APIP: variants seen among roughly 807,000 people sequenced by gnomAD.
APIP encodes APAF1 interacting protein.
A neutral mutation model predicts 32.0 loss-of-function variants in APIP; 32 were observed. The observed-to-expected ratio is 1.00, with a 90% CI of 0.76 to 1.34. APIP has a LOEUF of 1.34. APIP is among the 40% of genes most tolerant of loss of function. The pLI is 0.00. For synonymous variants in APIP, 92 were observed against 94.8 expected (o/e 0.97, Z 0.17); for missense variants, 247 against 298.6 (o/e 0.83, Z 1.27).
intron 3 of APIP, among the ~76,000 whole-genome samples, chr11:34,889,617 C>T (rs575269894): frequency 6.6e-6 from 1 of 152,082 alleles, no homozygotes; most frequent in East Asian, 1.9e-4. Flanking sequence ...AGCAGTTTTT[C>T]CATCCTCACT....
intron 5 of APIP, among the ~76,000 whole-genome samples, chr11:34,887,248 T>C (rs1853092486): frequency 6.6e-6 from 1 of 152,172 alleles, no homozygotes; most frequent in South Asian, 2.1e-4. Flanking sequence ...CCAAACTCTT[T>C]TCAGAAAAAC....
At chr11:34,885,159 G>T (rs1222695189) in intron 5 of APIP, among the ~76,000 whole-genome samples, 3 of 145,648 alleles carry the variant, frequency 2.1e-5, no homozygotes, top group African/African-American at 5.0e-5. Context: ...TATATGTATA[G>T]GTATACATGT....
chr11:34,899,943 G>A (rs556960116), intron 1 of APIP, among the ~76,000 whole-genome samples: 2 of 152,324 alleles, frequency 1.3e-5, no homozygotes, highest in African/African-American at 4.8e-5. Flanking sequence ...TTTAGCATGT[G>A]GTCCCCTGGA....
chr11:34,890,665 G>C (rs1201412263), intron 2 of APIP, 113 bp from the exon 3 acceptor site: 1 of 1,107,806 alleles, frequency 9.0e-7, no homozygotes, highest in Non-Finnish European at 1.3e-6. Flanking sequence ...ACAGCCAGTT[G>C]CTTGATTTAA....
At chr11:34,891,189 C>T (rs1853180537) in intron 2 of APIP, among the ~76,000 whole-genome samples, 1 of 152,124 alleles carries the variant, frequency 6.6e-6, no homozygotes, top group Admixed American at 6.6e-5. Flanking sequence ...AGAATGGCTA[C>T]ATGTGAAGAT....
chr11:34,903,716 C>T (rs760085400), intron 1 of APIP, among the ~76,000 whole-genome samples: 34 of 152,178 alleles, frequency 2.2e-4, no homozygotes, highest in Non-Finnish European at 4.6e-4. Flanking sequence ...ACACTTCACA[C>T]CCCTCTAATC....
intron 5 of APIP, among the ~76,000 whole-genome samples, chr11:34,885,512 G>A (rs1291198488): frequency 6.6e-6 from 1 of 152,138 alleles, no homozygotes; most frequent in African/African-American, 2.4e-5. Context: ...TAGTGGACAA[G>A]GGCCCCGAGC....
chr11:34,910,010 C>T (rs1455243714), intron 1 of APIP, among the ~76,000 whole-genome samples: 1 of 152,064 alleles, frequency 6.6e-6, no homozygotes, highest in Non-Finnish European at 1.5e-5. Flanking sequence ...AGAGGCTTGA[C>T]AAGAGAATAA....
intron 2 of APIP, among the ~76,000 whole-genome samples, chr11:34,894,331 T>C (rs1324417579): frequency 1.3e-5 from 2 of 151,880 alleles, no homozygotes; most frequent in Non-Finnish European, 2.9e-5. Flanking sequence ...TAAAAAATAA[T>C]TATTAGGATT....
Position 34,895,090 on chromosome 11 carries a change from G to T in APIP, c.78C>A (p.Tyr26Ter). ...ACTGTTTGCAAAGTTCTGGGATCAG[G>T]TATCTTGGATGCTCCTTGTCCTTAA... ...CGAQDKEHPR[Y>*]LIPELCKQFY... is the part of the protein sequence containing the mutation. The change falls in exon 2 of 7, where the codon TAC (tyrosine) becomes TAA (stop). Residue 26 changes from tyrosine (Y) to a stop codon, truncating the protein, a stop_gained. Coordinates refer to ENST00000395787, the MANE Select transcript of APIP (RefSeq NM_015957.4). LOFTEE classifies it high-confidence loss of function. 1.9e-6 allele frequency: 3 copies of T among 1,613,908 alleles called. No individual in the cohort carries two copies. Among genetic ancestry groups the T allele is most frequent in the East Asian group, 4.5e-5 (2 of 44,868 alleles).
chr11:34,885,295 G>A (rs1249295653), intron 5 of APIP, among the ~76,000 whole-genome samples: 1 of 148,462 alleles, frequency 6.7e-6, no homozygotes, highest in Admixed American at 6.8e-5. Flanking sequence ...ACATATAAAG[G>A]TATATATATA....
chr11:34,885,107 GTATATTATA>G (rs1853042246), intron 5 of APIP, among the ~76,000 whole-genome samples: 1 of 147,644 alleles, frequency 6.8e-6, no homozygotes, highest in African/African-American at 2.5e-5. Context: ...TAGTATACAT[GTATATTATA>G]TATATTATAT....
chr11:34,912,341 G>T (rs1313026209), intron 1 of APIP, among the ~76,000 whole-genome samples: 1 of 152,112 alleles, frequency 6.6e-6, no homozygotes, highest in African/African-American at 2.4e-5. Flanking sequence ...GTCTATCAAA[G>T]ACAGAATAAT....
chr11:34,901,658 A>C (rs572260944), intron 1 of APIP, among the ~76,000 whole-genome samples: 4 of 152,250 alleles, frequency 2.6e-5, no homozygotes, highest in African/African-American at 9.6e-5. Flanking sequence ...CATGCTTTTA[A>C]AATCATGGCT....
chr11:34,902,500 G>C (rs1310125967), intron 1 of APIP, among the ~76,000 whole-genome samples: 1 of 151,960 alleles, frequency 6.6e-6, no homozygotes, highest in South Asian at 2.1e-4. Context: ...ACTGTCCAAG[G>C]GGACCAGAGT....
intron 3 of APIP, among the ~76,000 whole-genome samples, chr11:34,889,895 T>A (rs1326205815): frequency 6.6e-6 from 1 of 152,168 alleles, no homozygotes; most frequent in Non-Finnish European, 1.5e-5. Flanking sequence ...TTGATGGGTA[T>A]CTGATCCACA....
At chr11:34,896,447 T>C (rs112618577) in intron 1 of APIP, among the ~76,000 whole-genome samples, 2,315 of 152,240 alleles carry the variant, frequency 0.015, 28 homozygotes, top group Middle Eastern at 0.044. Flanking sequence ...CTGGAAACCA[T>C]CATTCTCAGC....
chr11:34,888,526 T>C lies in APIP; in HGVS notation c.326-98A>G, dbSNP rs1049052372. 13 of 1,511,638 alleles carry C rather than the reference T, an allele frequency of 8.6e-6. No individual in the cohort carries two copies. The Admixed American group carries it at 1.7e-4, about 19-fold the overall frequency. The allele number at this position is 1,511,638 out of a possible 1,614,324, so 93.6% of individuals were successfully genotyped here. ...TAGTTATACTTATATTTACATATGG[T>C]TATGGGCTTATTTTTCCTGGCATGG... On this transcript the variant is annotated intron_variant, in intron 4 of 6. Coordinates refer to ENST00000395787, the MANE Select transcript of APIP (RefSeq NM_015957.4).
chr11:34,898,162 G>C (rs927828327), intron 1 of APIP, among the ~76,000 whole-genome samples: 3 of 152,146 alleles, frequency 2.0e-5, no homozygotes, highest in African/African-American at 7.2e-5. Context: ...TCATCGGATG[G>C]TGAGTATAGG....
Sources: gnomAD v4.1 joint callset for allele counts (sites outside exome capture counted in the v4.1 genomes callset) on GRCh38, gnomAD v4.1.1 for gene constraint, MANE v1.5 for transcripts, NCBI Gene and HGNC (gene_info 2026-07-23, HGNC 2026-07-21) for gene names.